Variants in EML3 observed in about 807,000 individuals in gnomAD.
The protein encoded by EML3 is echinoderm microtubule-associated protein-like 3.
In EML3, 53 loss-of-function variants were observed where a neutral mutation model predicts 106.7. The ratio of observed to expected loss-of-function variants is 0.50; its 90% confidence interval spans 0.40 to 0.62. The LOEUF is 0.62. EML3 is among the 20% of genes least tolerant of loss of function. EML3 has a pLI of 0.00. For missense variants in EML3, 994 were observed against 1,209.1 expected (o/e 0.82, Z 2.64); for synonymous variants, 499 against 489.6 (o/e 1.02, Z -0.25).
chr11:62,602,257 G>T lies in EML3; in HGVS notation c.*218C>A. Reference sequence around the variant, plus strand: ...GGTTTATTGCCCCTCAGCAGGCAGCGGGAGTCAAGGCCTAGGCTGGGGCTG... The same window carrying T: ...GGTTTATTGCCCCTCAGCAGGCAGCTGGAGTCAAGGCCTAGGCTGGGGCTG... On this transcript the variant is annotated 3_prime_UTR_variant, in exon 22 of 22. Coordinates refer to ENST00000394773, the MANE Select transcript of EML3 (RefSeq NM_153265.3). 6.5e-7 allele frequency: 1 copy of T among 1,546,452 alleles called. No homozygotes were observed. The highest frequency in any genetic ancestry group is 8.7e-7 in the Non-Finnish European group (1 of 1,144,526).
intron 10 of EML3, 82 bp from the exon 11 acceptor site, chr11:62,607,903 CAGCT>C: frequency 6.6e-7 from 1 of 1,522,326 alleles, no homozygotes; most frequent in Non-Finnish European, 8.9e-7. Flanking sequence ...TGCATCATGA[CAGCT>C]GGCTGGCAGA....
intron 9 of EML3, 121 bp from the exon 10 acceptor site, chr11:62,608,417 C>T: frequency 7.5e-7 from 1 of 1,333,442 alleles, no homozygotes; most frequent in Non-Finnish European, 1.1e-6. Flanking sequence ...CACACATGGC[C>T]CTTTCTCAAG....
At position 62,611,329 on chromosome 11, in the gene EML3, T is replaced by TG. The variant is rs752998151; in HGVS notation, c.209dup (p.Gly71ArgfsTer47). 1.1e-5 allele frequency: 18 copies of TG among 1,612,718 alleles called. No individual in the cohort carries two copies. Among genetic ancestry groups the TG allele is most frequent in the Admixed American group, 1.7e-5 (1 of 59,948 alleles). On this transcript the variant is annotated frameshift_variant, in exon 3 of 22. Transcript: ENST00000394773. LOFTEE classifies it high-confidence loss of function. ...AAGGGGTGCACGTGGGTGGCAGTCC[T>TG]GGGGGGGCTGCAAGACTGCTGGAGA...
chr11:62,610,543 G>A (rs963784840), intron 4 of EML3, among the ~76,000 whole-genome samples: 2 of 152,152 alleles, frequency 1.3e-5, no homozygotes, highest in African/African-American at 4.8e-5. Flanking sequence ...AAAGGGTAGG[G>A]GAACTGGAGT....
chr11:62,612,594 G>A lies in EML3; in HGVS notation c.-137C>T. On this transcript the variant is annotated 5_prime_UTR_variant, in exon 1 of 22. Transcript: ENST00000394773. Reference sequence around the variant, plus strand: ...CGTACCACCACCCCGAGGGGGCGCTGTCGGGCGCGGGGAAGGGGCCTGGAG... The same window carrying A: ...CGTACCACCACCCCGAGGGGGCGCTATCGGGCGCGGGGAAGGGGCCTGGAG... 2 of 866,892 alleles carry A rather than the reference G, an allele frequency of 2.3e-6. No homozygotes were observed. The highest frequency in any genetic ancestry group is 3.1e-6 in the Non-Finnish European group (2 of 637,548). 53.7% of individuals were successfully genotyped at this position (866,892 alleles called of 1,614,324 possible). A position where few individuals can be genotyped will look rare whatever the true frequency, so the allele number is the denominator to read the frequency against.
At chr11:62,608,417 C>G in intron 9 of EML3, 121 bp from the exon 10 acceptor site, 1 of 1,333,442 alleles carries the variant, frequency 7.5e-7, no homozygotes, top group South Asian at 1.2e-5. Context: ...CACACATGGC[C>G]CTTTCTCAAG....
chr11:62,609,277 C>T, intron 6 of EML3, 77 bp downstream of exon 6: 1 of 1,539,326 alleles, frequency 6.5e-7, no homozygotes, highest in East Asian at 2.3e-5. Context: ...CCCACAGACC[C>T]AGGAGGAAAC....
chr11:62,612,340 G>A, intron 1 of EML3, 96 bp downstream of exon 1: 3 of 1,270,280 alleles, frequency 2.4e-6, no homozygotes, highest in South Asian at 2.6e-5. Flanking sequence ...GGAGGAGCAC[G>A]CGGGGACGCC....
chr11:62,604,093 A>G lies in EML3; in HGVS notation c.2071+20T>C. 1 of 1,614,066 alleles carries G rather than the reference A, an allele frequency of 6.2e-7. No individual in the cohort carries two copies. Among genetic ancestry groups the G allele is most frequent in the Non-Finnish European group, 8.5e-7 (1 of 1,179,990 alleles). ...AAGGGCCAGGGACGCATGTGAGTCC[A>G]GGGTTGGGGTGGCTCCCACCTGGGC... On this transcript the variant is annotated intron_variant, in intron 17 of 21. Transcript: ENST00000394773.
chr11:62,609,702 G>A lies in EML3; in HGVS notation c.567-6C>T. 1 of 1,593,930 alleles carries A rather than the reference G, an allele frequency of 6.3e-7. No homozygotes were observed. The highest frequency in any genetic ancestry group is 8.5e-7 in the Non-Finnish European group (1 of 1,171,514). ...GGGGGTCTTTTCCCCCACGGCTGTT[G>A]GGAAGAGAGAAAGCACAGGGATTGG... is the stretch of plus-strand genomic sequence containing the variant. On this transcript the variant is annotated splice_polypyrimidine_tract_variant and splice_region_variant and intron_variant, in intron 4 of 21. Transcript: ENST00000394773.
At chr11:62,607,905 G>A in intron 10 of EML3, 84 bp from the exon 11 acceptor site, 1 of 1,514,584 alleles carries the variant, frequency 6.6e-7, no homozygotes, top group Non-Finnish European at 9.0e-7. Context: ...CATCATGACA[G>A]CTGGCTGGCA....
chr11:62,602,457 G>C lies in EML3; in HGVS notation c.*18C>G, dbSNP rs1271291779. On this transcript the variant is annotated 3_prime_UTR_variant, in exon 22 of 22. Coordinates refer to ENST00000394773, the MANE Select transcript of EML3 (RefSeq NM_153265.3). ...GCGGGGCCACGCCGCCGGGCCAGTC[G>C]GTCCCGCCAGGCAGCGATCAAACGT... 6.5e-7 allele frequency: 1 copy of C among 1,543,546 alleles called. No homozygotes were observed. The highest frequency in any genetic ancestry group is 8.8e-7 in the Non-Finnish European group (1 of 1,142,154).
chr11:62,609,169 C>T (rs1590756192), intron 6 of EML3, 37 bp from the exon 7 acceptor site: 6 of 1,609,488 alleles, frequency 3.7e-6, no homozygotes, highest in Non-Finnish European at 5.1e-6. Context: ...AGGGTTAGAT[C>T]AAGGGCAGGA....
rs766121317 is a variant in EML3, at chr11:62,609,451, G to A, written c.661C>T (p.Arg221Ter). The A allele has an allele frequency of 4.4e-6, 7 of 1,586,410 alleles. No individual in the cohort carries two copies. The highest frequency in any genetic ancestry group is 1.7e-4 in the Middle Eastern group (1 of 5,916). Residue 221 changes from arginine (R) to a stop codon, truncating the protein, a stop_gained, in exon 6 of 22, where the codon CGA becomes TGA. Coordinates refer to ENST00000394773, the MANE Select transcript of EML3 (RefSeq NM_153265.3). LOFTEE classifies it high-confidence loss of function. ...ATGTACATGGTAATGGGGCGCCCTC[G>A]AAGGAACATCTTCACTGAGATGCCT... ...LEGISVKMFL[R>*]GRPITMYIPS...
At chr11:62,608,064 G>A in intron 10 of EML3, 137 bp downstream of exon 10, 1 of 911,350 alleles carries the variant, frequency 1.1e-6, no homozygotes. Context: ...GAAACTAAGG[G>A]TCAGAGAAGC....
intron 1 of EML3, chr11:62,612,135 G>A: frequency 2.0e-6 from 1 of 498,286 alleles, no homozygotes; most frequent in Non-Finnish European, 3.5e-6. Context: ...AGGGGGCAGT[G>A]GGGATCAGAA....
At chr11:62,609,507 C>A in intron 5 of EML3, 30 bp from the exon 6 acceptor site, 1 of 1,543,190 alleles carries the variant, frequency 6.5e-7, no homozygotes, top group South Asian at 1.2e-5. Flanking sequence ...TGTCAACTAC[C>A]CCCTTCCAGG....
intron 10 of EML3, 111 bp downstream of exon 10, chr11:62,608,090 A>G: frequency 1.8e-6 from 2 of 1,110,462 alleles, no homozygotes; most frequent in Non-Finnish European, 2.7e-6. Context: ...GATTTGCCCC[A>G]TGTGACCCAG....
chr11:62,608,369 G>A lies in EML3; in HGVS notation c.1111-73C>T, dbSNP rs985361965. On this transcript the variant is annotated intron_variant, in intron 9 of 21. Transcript: ENST00000394773. ...CAGGGGTTCATGGTCATTAGGTTAA[G>A]AGGTACCATCACAGATGGAGAGGGC... 7.5e-6 allele frequency: 11 copies of A among 1,459,208 alleles called. No individual in the cohort carries two copies. The African/African-American group carries it at 1.5e-4, about 20-fold the overall frequency. The allele number at this position is 1,459,208 out of a possible 1,614,324, so 90.4% of individuals were successfully genotyped here.
Sources: allele counts gnomAD v4.1 joint callset (sites outside exome capture counted in the v4.1 genomes callset), GRCh38; gene constraint gnomAD v4.1.1; transcripts MANE v1.5; gene names NCBI Gene and HGNC (gene_info 2026-07-23, HGNC 2026-07-21).